The following CRIM1 variants were observed in gnomAD, a reference collection of about 807,000 sequenced individuals.
CRIM1 encodes the protein cysteine-rich motor neuron 1 protein.
Under a neutral mutation model 116.4 loss-of-function variants are expected in CRIM1, and 32 were observed. The ratio of observed to expected loss-of-function variants is 0.27; its 90% CI spans 0.21 to 0.37. The LOEUF is 0.37. Ranked by LOEUF, CRIM1 falls within the 10% of genes least tolerant of loss-of-function variation. The probability of loss-of-function intolerance (pLI) is 1.00; values close to 1 mark genes in which losing one functional copy is unlikely to be tolerated. For synonymous variants in CRIM1, 590 were observed against 509.2 expected (o/e 1.16, Z -2.13); for missense variants, 1,331 against 1,354.8 (o/e 0.98, Z 0.28).
chr2:36,504,991 G>C (rs1681286421), intron 8 of CRIM1, among the ~76,000 whole-genome samples: 1 of 152,184 alleles, frequency 6.6e-6, no homozygotes, highest in Non-Finnish European at 1.5e-5. Flanking sequence ...GCATCAGTCA[G>C]CAGAGAGGAA....
At chr2:36,524,400 A>C (rs998364203) in intron 13 of CRIM1, among the ~76,000 whole-genome samples, 2 of 152,222 alleles carry the variant, frequency 1.3e-5, no homozygotes, top group Non-Finnish European at 2.9e-5. Flanking sequence ...GTAAGGGGAA[A>C]GTATAGCCAA....
intron 2 of CRIM1, among the ~76,000 whole-genome samples, chr2:36,432,375 A>G (rs1377990263): frequency 1.1e-4 from 16 of 152,238 alleles, no homozygotes; most frequent in Non-Finnish European, 1.2e-4. Context: ...GTGTGAATAT[A>G]TAAATATAAT....
At chr2:36,399,262 A>T (rs1672250642) in intron 2 of CRIM1, among the ~76,000 whole-genome samples, 1 of 152,254 alleles carries the variant, frequency 6.6e-6, no homozygotes, top group Non-Finnish European at 1.5e-5. Flanking sequence ...ATCAGAAAGA[A>T]GATGGTGAAG....
At position 36,432,737 on chromosome 2, in the gene CRIM1, C is replaced by G. The variant is rs192024574; in HGVS notation, c.506-8521C>G. Among the ~76,000 whole-genome samples the G allele has an allele frequency of 2.8e-3, 432 of 152,036 alleles. 1 individual carries two copies. Among genetic ancestry groups the G allele is most frequent in the African/African-American group, 9.8e-3 (405 of 41,442 alleles). On this transcript the variant is annotated intron_variant, in intron 2 of 16. Coordinates refer to ENST00000280527, the MANE Select transcript of CRIM1 (RefSeq NM_016441.3). ...TGTAGAGGATGAAGGGGTTGAGGGT[C>G]CCTAGAACAATAGGTCAGCATTGAC...
chr2:36,448,783 T>G (rs1294116180), intron 4 of CRIM1, among the ~76,000 whole-genome samples: 1 of 152,190 alleles, frequency 6.6e-6, no homozygotes, highest in African/African-American at 2.4e-5. Flanking sequence ...ATCCAGCTAT[T>G]TTAAGGTAGA....
intron 2 of CRIM1, among the ~76,000 whole-genome samples, chr2:36,410,559 T>C (rs1054607509): frequency 6.6e-6 from 1 of 152,158 alleles, no homozygotes; most frequent in Non-Finnish European, 1.5e-5. Flanking sequence ...TTTTTTTCTC[T>C]TTAAAATGTG....
At chr2:36,399,824 A>G (rs546898940) in intron 2 of CRIM1, among the ~76,000 whole-genome samples, 3 of 152,364 alleles carry the variant, frequency 2.0e-5, no homozygotes, top group South Asian at 2.1e-4. Flanking sequence ...TGACATTGAG[A>G]TGGAAGAAAG....
chr2:36,480,619 A>C (rs1302622329), intron 7 of CRIM1, among the ~76,000 whole-genome samples: 2 of 152,184 alleles, frequency 1.3e-5, no homozygotes. Flanking sequence ...CTTCCACCGA[A>C]ATGTTAATAA....
intron 13 of CRIM1, among the ~76,000 whole-genome samples, chr2:36,535,589 G>A (rs1666490511): frequency 6.6e-6 from 1 of 152,174 alleles, no homozygotes; most frequent in African/African-American, 2.4e-5. Flanking sequence ...TGAGAAAAAT[G>A]ATAGAAGTTG....
At chr2:36,528,426 A>C (rs1273164034) in intron 13 of CRIM1, among the ~76,000 whole-genome samples, 1 of 152,190 alleles carries the variant, frequency 6.6e-6, no homozygotes, top group African/African-American at 2.4e-5. Flanking sequence ...CTTGCCCACA[A>C]ACCACACTGT....
intron 7 of CRIM1, 46 bp downstream of exon 7, chr2:36,479,740 T>A (rs1391744742): frequency 6.4e-7 from 1 of 1,559,068 alleles, no homozygotes; most frequent in East Asian, 2.2e-5. Context: ...TGTCTTCTGT[T>A]GGAGAAGCTT....
chr2:36,449,828 G>A (rs1676553920), intron 4 of CRIM1, among the ~76,000 whole-genome samples: 1 of 151,592 alleles, frequency 6.6e-6, no homozygotes, highest in Non-Finnish European at 1.5e-5. Flanking sequence ...AAAGTCCAGG[G>A]GAAGTTATAA....
At chr2:36,438,414 C>T (rs914145876) in intron 2 of CRIM1, among the ~76,000 whole-genome samples, 22 of 152,190 alleles carry the variant, frequency 1.4e-4, no homozygotes. Context: ...AGTTTACAAA[C>T]TCCAACTTAA....
chr2:36,530,002 AT>A (rs1049054564), intron 13 of CRIM1, among the ~76,000 whole-genome samples: 5 of 152,176 alleles, frequency 3.3e-5, no homozygotes, highest in African/African-American at 1.2e-4. Context: ...CATGTACCTC[AT>A]TTTTTTAAAA....
chr2:36,369,676 T>A (rs1669820989), intron 1 of CRIM1, among the ~76,000 whole-genome samples: 1 of 152,132 alleles, frequency 6.6e-6, no homozygotes, highest in South Asian at 2.1e-4. Flanking sequence ...GAGAAGATGA[T>A]AAATGTGAGG....
intron 7 of CRIM1, among the ~76,000 whole-genome samples, chr2:36,483,580 C>T (rs145769834): frequency 7.2e-5 from 11 of 152,238 alleles, no homozygotes; most frequent in Non-Finnish European, 1.3e-4. Flanking sequence ...AGGACCAGAC[C>T]CTGGACCCTG....
At chr2:36,407,904 AT>A (rs1447063938) in intron 2 of CRIM1, among the ~76,000 whole-genome samples, 4 of 152,100 alleles carry the variant, frequency 2.6e-5, no homozygotes, top group Admixed American at 1.3e-4. Flanking sequence ...GTTCTATACC[AT>A]TCATTCATGG....
At chr2:36,448,781 A>G (rs1050587145) in intron 4 of CRIM1, among the ~76,000 whole-genome samples, 2 of 152,206 alleles carry the variant, frequency 1.3e-5, no homozygotes, top group Admixed American at 6.5e-5. Context: ...CAATCCAGCT[A>G]TTTTAAGGTA....
At chr2:36,427,010 G>C (rs1674504620) in intron 2 of CRIM1, among the ~76,000 whole-genome samples, 1 of 152,068 alleles carries the variant, frequency 6.6e-6, no homozygotes, top group African/African-American at 2.4e-5. Flanking sequence ...AGACCAGCCT[G>C]ACTAACATGG....
Sources: gnomAD v4.1 joint callset for allele counts (sites outside exome capture counted in the v4.1 genomes callset) on GRCh38, gnomAD v4.1.1 for gene constraint, MANE v1.5 for transcripts, NCBI Gene and HGNC (gene_info 2026-07-23, HGNC 2026-07-21) for gene names.